The following CRYBA4 variants were observed in gnomAD, a reference collection of about 807,000 sequenced individuals.
CRYBA4 encodes beta-crystallin A4.
CRYBA4 carries 30 observed loss-of-function variants against 31.7 expected under a neutral mutation model. That is an observed-to-expected ratio of 0.95 (90% CI 0.71 to 1.28). The LOEUF is 1.28. Among genes scored for constraint, CRYBA4 ranks in the 50% most tolerant of loss-of-function variants. The pLI is 0.00. For missense variants in CRYBA4, 225 were observed against 260.7 expected (o/e 0.86, Z 0.94); for synonymous variants, 102 against 102.3 (o/e 1.00, Z 0.02).
the CRYBA4 span, chr22:26,596,791 C>A: frequency 6.6e-6 from 1 of 152,120 alleles, no homozygotes. Context: ...CAGAGAATCA[C>A]AGAAGCTTAG....
At chr22:26,607,183 C>T in the CRYBA4 span, among the ~76,000 whole-genome samples, 7 of 151,972 alleles carry the variant, frequency 4.6e-5, no homozygotes, top group South Asian at 2.1e-4. Flanking sequence ...CCACCACGCC[C>T]GGCTAATTTT....
At chr22:26,616,228 G>A in the CRYBA4 span, 1 of 1,614,114 alleles carries the variant, frequency 6.2e-7, no homozygotes, top group African/African-American at 1.3e-5. Flanking sequence ...ACTAGGGGAT[G>A]TTCCTGCAGG....
the CRYBA4 span, among the ~76,000 whole-genome samples, chr22:26,608,181 C>A: frequency 6.6e-6 from 1 of 152,226 alleles, no homozygotes; most frequent in South Asian, 2.1e-4. Context: ...TAGGCTCTGA[C>A]ACTTACAGGC....
chr22:26,598,397 G>C, the CRYBA4 span, among the ~76,000 whole-genome samples: 1 of 149,464 alleles, frequency 6.7e-6, no homozygotes, highest in Admixed American at 6.7e-5. Context: ...TTCTTTCTTT[G>C]ACAGGATCTC....
At chr22:26,627,454 CTT>C (rs1491445155) in intron 4 of CRYBA4, among the ~76,000 whole-genome samples, 20 of 104,410 alleles carry the variant, frequency 1.9e-4, no homozygotes, top group East Asian at 1.1e-3. Flanking sequence ...TTCCTTCTTT[CTT>C]TTTCTTTCTT....
At chr22:26,605,887 A>G in the CRYBA4 span, among the ~76,000 whole-genome samples, 8 of 152,250 alleles carry the variant, frequency 5.3e-5, no homozygotes, top group East Asian at 1.5e-3. Flanking sequence ...GGACTGTGGC[A>G]GGGCAGAGAG....
chr22:26,599,444 G>A, the CRYBA4 span: 1,316 of 1,554,326 alleles, frequency 8.5e-4, 6 homozygotes, highest in African/African-American at 0.016. Context: ...GGAAATAATT[G>A]AACATGAAGA....
At chr22:26,629,465 G>A (rs1325843651) in intron 5 of CRYBA4, among the ~76,000 whole-genome samples, 7 of 152,034 alleles carry the variant, frequency 4.6e-5, no homozygotes, top group African/African-American at 1.4e-4. Flanking sequence ...AGTTGGGCCA[G>A]ACACGGTGGC....
intron 5 of CRYBA4, among the ~76,000 whole-genome samples, chr22:26,628,780 C>T (rs903069598): frequency 6.6e-5 from 10 of 152,140 alleles, no homozygotes; most frequent in Non-Finnish European, 8.8e-5. Flanking sequence ...GCAAAGGTGG[C>T]GGCTTCATCG....
the CRYBA4 span, among the ~76,000 whole-genome samples, chr22:26,611,434 T>A: frequency 2.0e-5 from 3 of 151,224 alleles, no homozygotes; most frequent in Non-Finnish European, 2.9e-5. Flanking sequence ...CTCTCAGCCC[T>A]CGGTAATGGG....
the CRYBA4 span, chr22:26,599,259 T>A: frequency 1.8e-6 from 1 of 565,448 alleles, no homozygotes; most frequent in Non-Finnish European, 3.2e-6. Flanking sequence ...TTTGGTAGAC[T>A]CACATAACAG....
rs747588243 is a variant in CRYBA4, at chr22:26,625,440, G to A, written c.159-41G>A. ...TTGCTGGTCTAGAATGCAGGGTGAG[G>A]GGGACGCTTACCTCCTGCACACTCT... On this transcript the variant is annotated intron_variant, in intron 3 of 5. Coordinates refer to ENST00000354760, the MANE Select transcript of CRYBA4 (RefSeq NM_001886.3). The A allele has an allele frequency of 1.5e-5, 24 of 1,610,192 alleles. No individual in the cohort carries two copies. The Admixed American group carries it at 3.5e-4, about 24-fold the overall frequency.
chr22:26,613,707 G>A, the CRYBA4 span, among the ~76,000 whole-genome samples: 16 of 152,294 alleles, frequency 1.1e-4, no homozygotes, highest in East Asian at 3.1e-3. Context: ...TGTACAGCAT[G>A]TGTGTTTGAG....
At chr22:26,595,999 T>C in the CRYBA4 span, among the ~76,000 whole-genome samples, 1 of 152,218 alleles carries the variant, frequency 6.6e-6, no homozygotes, top group Non-Finnish European at 1.5e-5. Flanking sequence ...CTCAAATTCC[T>C]GGGCTCAAGT....
At chr22:26,606,161 A>T in the CRYBA4 span, among the ~76,000 whole-genome samples, 1 of 152,222 alleles carries the variant, frequency 6.6e-6, no homozygotes, top group African/African-American at 2.4e-5. Flanking sequence ...CCCTGGCTGC[A>T]CAGACGGACT....
At chr22:26,618,720 C>T (rs1929443295), upstream of CRYBA4, among the ~76,000 whole-genome samples, 1 of 152,240 alleles carries the variant, frequency 6.6e-6, no homozygotes, top group South Asian at 2.1e-4. Flanking sequence ...TCTTCTCCTG[C>T]TGTCCAGCCT....
At chr22:26,598,449 T>C in the CRYBA4 span, among the ~76,000 whole-genome samples, 1 of 152,012 alleles carries the variant, frequency 6.6e-6, no homozygotes, top group African/African-American at 2.4e-5. Flanking sequence ...TGATCACGAC[T>C]CACTGTAGCC....
chr22:26,614,469 C>G, the CRYBA4 span, among the ~76,000 whole-genome samples: 6 of 152,238 alleles, frequency 3.9e-5, no homozygotes, highest in East Asian at 1.2e-3. Flanking sequence ...TACCAGGAGA[C>G]AGGGATAAGA....
At chr22:26,599,646 G>T in the CRYBA4 span, 1 of 1,614,166 alleles carries the variant, frequency 6.2e-7, no homozygotes. Context: ...GGTACCCGCG[G>T]TAGCCAGGAT....
Sources: allele counts gnomAD v4.1 joint callset (sites outside exome capture counted in the v4.1 genomes callset), GRCh38; gene constraint gnomAD v4.1.1; transcripts MANE v1.5; gene names NCBI Gene and HGNC (gene_info 2026-07-23, HGNC 2026-07-21).